The following CADM2 variants were observed in gnomAD, a reference collection of about 807,000 sequenced individuals.
The protein encoded by CADM2 is immunoglobulin superfamily member 4D.
A neutral mutation model predicts 49.8 loss-of-function variants in CADM2; 12 were observed. The observed-to-expected ratio is 0.24, with a 90% CI of 0.15 to 0.39. The LOEUF (loss-of-function observed/expected upper bound fraction) is 0.39, where lower values mean the gene tolerates loss of function less well. CADM2 is among the 10% of genes least tolerant of loss of function. The probability of loss-of-function intolerance (pLI) is 1.00; values close to 1 mark genes in which losing one functional copy is unlikely to be tolerated. For missense variants in CADM2, 378 were observed against 492.3 expected, an observed-to-expected ratio of 0.77 and a Z score of 2.20; for synonymous variants, 214 against 175.4, an observed-to-expected ratio of 1.22 and a Z score of -1.74.
chr3:85,336,955 AATATATATATTAAATATATATTTAATAT>A (rs1484922986), intron 1 of CADM2, among the ~76,000 whole-genome samples: 5 of 89,890 alleles, frequency 5.6e-5, no homozygotes, highest in South Asian at 3.1e-4. Flanking sequence ...ATATATATTT[AATATATATATTAAATATATATTTAATAT>A]ATATATATTT....
intron 1 of CADM2, among the ~76,000 whole-genome samples, chr3:85,101,191 T>C (rs1383710461): frequency 3.3e-4 from 50 of 151,916 alleles, no homozygotes; most frequent in Non-Finnish European, 8.8e-5. Flanking sequence ...GAGGTGGAGG[T>C]TGCAGTGAGC....
chr3:85,442,937 T>A (rs983124751), intron 1 of CADM2, among the ~76,000 whole-genome samples: 1 of 151,852 alleles, frequency 6.6e-6, no homozygotes, highest in African/African-American at 2.4e-5. Context: ...CTTAATTTCC[T>A]GATATATTTA....
At chr3:86,017,962 G>T (rs1358870887) in intron 8 of CADM2, among the ~76,000 whole-genome samples, 2 of 136,848 alleles carry the variant, frequency 1.5e-5, no homozygotes, top group African/African-American at 5.4e-5. Flanking sequence ...GTGCCATGCT[G>T]GTGCGCTGCA....
rs575038717 is a variant in CADM2 at position 85,301,348 on chromosome 3, G to A, written c.61+341680G>A. On this transcript the variant is annotated intron_variant, in intron 1 of 9. Coordinates refer to ENST00000383699, the MANE Select transcript of CADM2 (RefSeq NM_001167675.2). Reference sequence around the variant, plus strand: ...GCTGCTAAAATGGAATAGTATTCGTGTTTCCCAGTGCCTCGGGATGTGGAA... The same window carrying A: ...GCTGCTAAAATGGAATAGTATTCGTATTTCCCAGTGCCTCGGGATGTGGAA... Among the ~76,000 whole-genome samples the A allele has an allele frequency of 3.3e-5, 5 of 151,998 alleles. No homozygotes were observed. The South Asian group carries it at 1.0e-3, about 31-fold the overall frequency.
intron 1 of CADM2, among the ~76,000 whole-genome samples, chr3:85,302,620 A>G (rs187240089): frequency 9.5e-4 from 145 of 152,134 alleles, no homozygotes; most frequent in African/African-American, 3.4e-3. Flanking sequence ...TAAATTGGAT[A>G]CTGCATAAAC....
chr3:85,832,191 GTC>G (rs2074216384), intron 3 of CADM2, among the ~76,000 whole-genome samples: 1 of 151,586 alleles, frequency 6.6e-6, no homozygotes, highest in South Asian at 2.1e-4. Flanking sequence ...TGCTGTGTGT[GTC>G]TGTTTTTGCT....
At chr3:85,328,917 A>AT (rs2044831229) in intron 1 of CADM2, among the ~76,000 whole-genome samples, 1 of 150,950 alleles carries the variant, frequency 6.6e-6, no homozygotes, top group African/African-American at 2.4e-5. Flanking sequence ...AAAAAAAAAA[A>AT]GTTATGTTGG....
At chr3:85,068,269 G>A (rs1452291011) in intron 1 of CADM2, among the ~76,000 whole-genome samples, 1 of 152,036 alleles carries the variant, frequency 6.6e-6, no homozygotes, top group African/African-American at 2.4e-5. Flanking sequence ...TCTGTTAGTT[G>A]ATTTATCTCA....
intron 1 of CADM2, among the ~76,000 whole-genome samples, chr3:85,401,427 C>T (rs765845057): frequency 1.5e-4 from 23 of 152,094 alleles, no homozygotes; most frequent in Non-Finnish European, 2.4e-4. Flanking sequence ...CACTGTTCTG[C>T]AGATGGCTTG....
chr3:85,403,225 T>C (rs542643885), intron 1 of CADM2, among the ~76,000 whole-genome samples: 1 of 152,278 alleles, frequency 6.6e-6, no homozygotes, highest in East Asian at 1.9e-4. Flanking sequence ...TCAAATTGTT[T>C]TCATGTGGAT....
chr3:85,932,248 G>A (rs138217362), intron 6 of CADM2, among the ~76,000 whole-genome samples: 1 of 152,266 alleles, frequency 6.6e-6, no homozygotes, highest in African/African-American at 2.4e-5. Flanking sequence ...GTGGATGCTA[G>A]TGGTATCTAT....
chr3:85,845,122 CT>C (rs2074818653), intron 3 of CADM2, among the ~76,000 whole-genome samples: 1 of 141,724 alleles, frequency 7.1e-6, no homozygotes, highest in Non-Finnish European at 1.5e-5. Flanking sequence ...AGCCACTGCA[CT>C]TCAGCCTGAG....
At chr3:86,014,155 T>C in intron 8 of CADM2, 1 of 1,288,770 alleles carries the variant, frequency 7.8e-7, no homozygotes, top group Non-Finnish European at 1.1e-6. Flanking sequence ...TTGGTGGAAC[T>C]CCTGCAAGCA....
chr3:85,376,773 A>G (rs2107339670), intron 1 of CADM2, among the ~76,000 whole-genome samples: 1 of 152,182 alleles, frequency 6.6e-6, no homozygotes, highest in East Asian at 1.9e-4. Context: ...CAACATTTTA[A>G]AGTTTATACA....
At chr3:85,614,226 A>G (rs2063744287) in intron 1 of CADM2, among the ~76,000 whole-genome samples, 2 of 141,060 alleles carry the variant, frequency 1.4e-5, no homozygotes. Flanking sequence ...TTTTAATAGA[A>G]GTATAATTGT....
chr3:86,038,839 G>T lies in CADM2; in HGVS notation c.971-26766G>T, dbSNP rs557659962. Among the ~76,000 whole-genome samples the T allele has an allele frequency of 2.0e-5, 3 of 152,214 alleles. No individual in the cohort carries two copies. The South Asian group carries it at 6.2e-4, about 32-fold the overall frequency. On this transcript the variant is annotated intron_variant, in intron 8 of 9. Coordinates refer to ENST00000383699, the MANE Select transcript of CADM2 (RefSeq NM_001167675.2). ...CAAATTTGTTAAATGATTTTCCTAG[G>T]AATGTACTGTAAGTAGGTTGCATAG...
At chr3:85,723,138 G>C (rs1407305892) in intron 1 of CADM2, among the ~76,000 whole-genome samples, 1 of 151,918 alleles carries the variant, frequency 6.6e-6, no homozygotes, top group African/African-American at 2.4e-5. Flanking sequence ...AAAATCATGT[G>C]AAATCAATAT....
At chr3:85,535,381 A>C (rs6791938) in intron 1 of CADM2, among the ~76,000 whole-genome samples, 12,437 of 152,194 alleles carry the variant, frequency 0.082, 990 homozygotes, top group African/African-American at 0.19. Flanking sequence ...ATGGGCCCTA[A>C]GTAACAGACT....
At chr3:85,887,612 G>T (rs1025098968) in intron 5 of CADM2, among the ~76,000 whole-genome samples, 2 of 151,942 alleles carry the variant, frequency 1.3e-5, no homozygotes, top group Non-Finnish European at 2.9e-5. Context: ...GCTTGCCTTA[G>T]TATTTCTAAT....
Sources: allele counts gnomAD v4.1 joint callset (sites outside exome capture counted in the v4.1 genomes callset), GRCh38; gene constraint gnomAD v4.1.1; transcripts MANE v1.5; gene names NCBI Gene and HGNC (gene_info 2026-07-23, HGNC 2026-07-21).